The following TESC variants were observed in gnomAD, a reference collection of about 807,000 sequenced individuals.
TESC encodes tescalcin.
A neutral mutation model predicts 31.0 loss-of-function variants in TESC; 19 were observed. The ratio of observed to expected loss-of-function variants is 0.61; its 90% confidence interval spans 0.43 to 0.90. The LOEUF is 0.90. TESC is among the 40% of genes least tolerant of loss of function. TESC has a pLI of 0.00. For synonymous variants in TESC, 109 were observed against 114.8 expected (o/e 0.95, Z 0.32); for missense variants, 248 against 303.8 (o/e 0.82, Z 1.36).
At chr12:117,075,561 A>T (rs1259385411) in intron 1 of TESC, among the ~76,000 whole-genome samples, 3 of 152,022 alleles carry the variant, frequency 2.0e-5, no homozygotes, top group Non-Finnish European at 4.4e-5. Context: ...CAACTGCCTT[A>T]GTAATAATAA....
At chr12:117,082,459 G>A (rs1955161688) in intron 1 of TESC, among the ~76,000 whole-genome samples, 1 of 151,086 alleles carries the variant, frequency 6.6e-6, no homozygotes, top group Non-Finnish European at 1.5e-5. Context: ...AGCCAAGAGT[G>A]CCATCACACT....
At chr12:117,075,855 A>ATATATATATGTGTGTG (rs1565971329) in intron 1 of TESC, among the ~76,000 whole-genome samples, 3 of 54,274 alleles carry the variant, frequency 5.5e-5, no homozygotes, top group African/African-American at 1.9e-4. Context: ...GTGTATATAT[A>ATATATATATGTGTGTG]TATATATATA....
At chr12:117,069,892 GC>G (rs1954941141) in intron 2 of TESC, among the ~76,000 whole-genome samples, 1 of 152,168 alleles carries the variant, frequency 6.6e-6, no homozygotes, top group African/African-American at 2.4e-5. Context: ...GGGGACTTTT[GC>G]ATTCAAGGTC....
intron 7 of TESC, among the ~76,000 whole-genome samples, chr12:117,041,403 G>C (rs1954481484): frequency 6.6e-6 from 1 of 151,870 alleles, no homozygotes; most frequent in Non-Finnish European, 1.5e-5. Flanking sequence ...CGCAATCTCA[G>C]CTTACTGCAA....
chr12:117,070,905 A>G (rs1422803135), intron 2 of TESC, among the ~76,000 whole-genome samples: 2 of 152,170 alleles, frequency 1.3e-5, no homozygotes. Context: ...TGGGAGGTCA[A>G]GGCTGCAGTG....
intron 1 of TESC, among the ~76,000 whole-genome samples, chr12:117,077,515 T>G (rs961172487): frequency 4.6e-5 from 7 of 152,350 alleles, no homozygotes; most frequent in African/African-American, 1.4e-4. Context: ...AACTGGAAAC[T>G]ACCCACATGC....
intron 1 of TESC, among the ~76,000 whole-genome samples, chr12:117,084,719 T>TC (rs1219010880): frequency 6.6e-6 from 1 of 152,080 alleles, no homozygotes; most frequent in Non-Finnish European, 1.5e-5. Flanking sequence ...CCAGCCTCCC[T>TC]CCCCTGACTC....
intron 3 of TESC, among the ~76,000 whole-genome samples, chr12:117,049,488 A>C (rs914863226): frequency 4.6e-5 from 7 of 152,202 alleles, no homozygotes; most frequent in Non-Finnish European, 8.8e-5. Flanking sequence ...TGAAGAAACC[A>C]AGCAATCCAG....
intron 1 of TESC, among the ~76,000 whole-genome samples, chr12:117,088,047 G>C (rs2135800278): frequency 6.6e-6 from 1 of 152,240 alleles, no homozygotes; most frequent in South Asian, 2.1e-4. Context: ...ACTCCCTGAA[G>C]GTCACACAGC....
chr12:117,069,888 T>A (rs1255628853), intron 2 of TESC, among the ~76,000 whole-genome samples: 1 of 152,232 alleles, frequency 6.6e-6, no homozygotes, highest in East Asian at 1.9e-4. Context: ...TTAAGGGGAC[T>A]TTTGCATTCA....
At chr12:117,078,421 G>A (rs563259834) in intron 1 of TESC, among the ~76,000 whole-genome samples, 5 of 152,168 alleles carry the variant, frequency 3.3e-5, no homozygotes, top group African/African-American at 4.8e-5. Context: ...AGCCAAAATC[G>A]CACCACTGCA....
rs183047793 is a variant in TESC, at chr12:117,056,903, A to C, written c.129-17T>G. ...TTCTCCTTGCTGGTTTCCAAGAAGG[A>C]GAGATACCGGGAAGAGAATAAGGAA... On this transcript the variant is annotated splice_polypyrimidine_tract_variant and intron_variant, in intron 2 of 7. Coordinates refer to ENST00000335209, the MANE Select transcript of TESC (RefSeq NM_017899.4). 3.0e-4 allele frequency: 477 copies of C among 1,613,400 alleles called. 1 individual carries two copies. In the African/African-American group the frequency reaches 5.9e-3, roughly 20 times the overall value.
At chr12:117,058,565 T>TAAAAA (rs10637829) in intron 2 of TESC, among the ~76,000 whole-genome samples, 3 of 113,320 alleles carry the variant, frequency 2.6e-5, no homozygotes, top group African/African-American at 6.5e-5. Context: ...GTAAAGCTGT[T>TAAAAA]AAAAAAAAAA....
At chr12:117,092,434 C>T (rs1955325575) in intron 1 of TESC, among the ~76,000 whole-genome samples, 1 of 152,224 alleles carries the variant, frequency 6.6e-6, no homozygotes, top group Non-Finnish European at 1.5e-5. Context: ...TGGGAAGCTT[C>T]CACAGCGGGC....
At chr12:117,046,514 C>T (rs1029181777) in intron 6 of TESC, 45 bp downstream of exon 6, 26 of 1,509,982 alleles carry the variant, frequency 1.7e-5, no homozygotes, top group Non-Finnish European at 2.1e-5. Flanking sequence ...AGACCATAAG[C>T]GGGAAAGGCA....
intron 7 of TESC, among the ~76,000 whole-genome samples, chr12:117,041,369 A>G (rs1338343914): frequency 6.6e-6 from 1 of 151,618 alleles, no homozygotes; most frequent in Non-Finnish European, 1.5e-5. Context: ...GTCTCACTCT[A>G]TCACCCAGGA....
At position 117,039,348 on chromosome 12, in the gene TESC, G is replaced by A; in HGVS notation, c.568-138C>T. ...GTTCCAGGCAGGTGAAAACCAGAGG[G>A]CTGTGTTTCAAGACTATGAGCTAAG... On this transcript the variant is annotated intron_variant, in intron 7 of 7. Transcript: ENST00000335209. The A allele has an allele frequency of 5.0e-6, 4 of 802,726 alleles. No individual in the cohort carries two copies. In the Admixed American group the frequency reaches 9.2e-5, roughly 19 times the overall value. The allele number at this position is 802,726 out of a possible 1,614,324, so 49.7% of individuals were successfully genotyped here. A position where few individuals can be genotyped will look rare whatever the true frequency, so the allele number is the denominator to read the frequency against.
At chr12:117,060,277 T>C (rs1352579137) in intron 2 of TESC, among the ~76,000 whole-genome samples, 3 of 152,124 alleles carry the variant, frequency 2.0e-5, no homozygotes, top group African/African-American at 7.2e-5. Flanking sequence ...ACCTCTGCAG[T>C]CAGGGTGGTG....
chr12:117,093,130 C>T (rs1241639875), intron 1 of TESC, among the ~76,000 whole-genome samples: 1 of 152,144 alleles, frequency 6.6e-6, no homozygotes. Flanking sequence ...CTTCCTCCCG[C>T]TATGCTACAG....
Sources: allele counts gnomAD v4.1 joint callset (sites outside exome capture counted in the v4.1 genomes callset), GRCh38; gene constraint gnomAD v4.1.1; transcripts MANE v1.5; gene names NCBI Gene and HGNC (gene_info 2026-07-23, HGNC 2026-07-21).